HIP1: variants seen among roughly 807,000 people sequenced by gnomAD.
HIP1 encodes the protein huntingtin-interacting protein 1.
A neutral mutation model predicts 147.6 loss-of-function variants in HIP1; 65 were observed. The ratio of observed to expected loss-of-function variants is 0.44; its 90% confidence interval spans 0.36 to 0.54. HIP1 has a LOEUF of 0.54. Among genes scored for constraint, HIP1 ranks in the 20% least tolerant of loss-of-function variants. HIP1 has a pLI of 0.00. For missense variants in HIP1, 1,061 were observed against 1,299.6 expected, an observed-to-expected ratio of 0.82 and a Z score of 2.82; for synonymous variants, 479 against 504.0, an observed-to-expected ratio of 0.95 and a Z score of 0.67.
At chr7:75,637,584 G>A (rs955687862) in intron 1 of HIP1, among the ~76,000 whole-genome samples, 3 of 109,538 alleles carry the variant, frequency 2.7e-5, no homozygotes, top group Admixed American at 1.3e-4. Context: ...TCTAATACAT[G>A]CCCAAAGAAA....
chr7:75,582,915 T>C (rs1796112055), intron 5 of HIP1, among the ~76,000 whole-genome samples: 1 of 152,162 alleles, frequency 6.6e-6, no homozygotes, highest in Non-Finnish European at 1.5e-5. Flanking sequence ...AGTTTTCCTT[T>C]GCCCCAAGTC....
intron 1 of HIP1, among the ~76,000 whole-genome samples, chr7:75,706,473 C>CTTTTTTTTTTT (rs139655610): frequency 1.4e-5 from 2 of 138,080 alleles, no homozygotes; most frequent in African/African-American, 2.8e-5. Context: ...TATATATCTT[C>CTTTTTTTTTTT]TTTTTTTTTA....
intron 7 of HIP1, among the ~76,000 whole-genome samples, chr7:75,575,582 G>T (rs1285585716): frequency 6.6e-6 from 1 of 152,144 alleles, no homozygotes; most frequent in Non-Finnish European, 1.5e-5. Context: ...AAAAATAGAA[G>T]TCTTGCCTCC....
In HIP1 at chr7:75,734,873, G is replaced by A. The variant is rs1024869878; in HGVS notation, c.120+3928C>T. Among the ~76,000 whole-genome samples, 6 of 152,094 alleles carry A rather than the reference G, an allele frequency of 3.9e-5. No homozygotes were observed. In the South Asian group the frequency reaches 1.0e-3, roughly 26 times the overall value. ...TGCTACAAGATGTGCTTCAGTCCTC[G>A]GGGAGGGCTCCCAACCCCAAAGCCT... On this transcript the variant is annotated intron_variant, in intron 1 of 30. Transcript: ENST00000336926.
chr7:75,664,285 CAT>C (rs144031465), intron 1 of HIP1, among the ~76,000 whole-genome samples: 16,408 of 136,544 alleles, frequency 0.12, 1,150 homozygotes, highest in South Asian at 0.16. Flanking sequence ...TATATACACA[CAT>C]ATATGTATGT....
chr7:75,594,229 G>A (rs905397770), intron 2 of HIP1, among the ~76,000 whole-genome samples: 3 of 151,692 alleles, frequency 2.0e-5, no homozygotes, highest in Non-Finnish European at 2.9e-5. Flanking sequence ...GCAGTGAGCC[G>A]AGATCATGCC....
intron 1 of HIP1, among the ~76,000 whole-genome samples, chr7:75,617,821 C>T (rs1797720567): frequency 6.6e-6 from 1 of 152,214 alleles, no homozygotes; most frequent in African/African-American, 2.4e-5. Context: ...CCTAGCACCC[C>T]AAACTGCAAA....
chr7:75,616,470 A>G (rs1377253213), intron 1 of HIP1, among the ~76,000 whole-genome samples: 1 of 151,952 alleles, frequency 6.6e-6, no homozygotes, highest in Non-Finnish European at 1.5e-5. Flanking sequence ...ACCGGGTCTC[A>G]CTTTGTTGCC....
At chr7:75,573,028 C>T (rs1176773062) in intron 8 of HIP1, among the ~76,000 whole-genome samples, 1 of 152,208 alleles carries the variant, frequency 6.6e-6, no homozygotes, top group East Asian at 1.9e-4. Context: ...CAGACAGATT[C>T]CTGGGTGAAA....
Position 75,586,832 on chromosome 7 carries a change from C to A in HIP1, c.386G>T (p.Gly129Val). The change falls in exon 5 of 31, where the codon GGC (glycine) becomes GTC (valine). Residue 129 changes from glycine to valine, a missense_variant and splice_region_variant. Physicochemically the swap from Gly to Val is moderately radical, Grantham distance 109. This residue lies in a region of HIP1 where 225 missense variants were observed against 292.9 expected (regional missense o/e 0.77). Transcript: ENST00000336926. The stretch of plus-strand genomic sequence containing the variant: ...CTGGCCATACCCCTCGCTCAGGTGG[C>A]CCTTTTAGGAAGAGGAGGGGAAACA... Reference protein sequence around the residue: ...NELSDMSRMWGHLSEGYGQLC... With the variant: ...NELSDMSRMWVHLSEGYGQLC... 1 of 1,608,710 alleles carries A rather than the reference C, an allele frequency of 6.2e-7. No individual in the cohort carries two copies.
At chr7:75,557,933 C>T (rs891309935) in intron 15 of HIP1, among the ~76,000 whole-genome samples, 163 bp from the exon 16 acceptor site, 3 of 152,324 alleles carry the variant, frequency 2.0e-5, no homozygotes, top group Middle Eastern at 3.4e-3. Flanking sequence ...ATGCTTGATG[C>T]TCAAATATTT....
At chr7:75,558,080 C>T in intron 15 of HIP1, 87 bp downstream of exon 15, 3 of 1,060,700 alleles carry the variant, frequency 2.8e-6, no homozygotes, top group Non-Finnish European at 4.4e-6. Context: ...GTAGGGGTTG[C>T]TGGCCCCGGG....
At chr7:75,608,712 A>G (rs1413043252) in intron 1 of HIP1, among the ~76,000 whole-genome samples, 3 of 152,154 alleles carry the variant, frequency 2.0e-5, no homozygotes, top group Admixed American at 2.0e-4. Flanking sequence ...ATGAAAGAGA[A>G]CTCCTCATTA....
intron 2 of HIP1, among the ~76,000 whole-genome samples, chr7:75,595,218 TTC>T (rs1796655917): frequency 1.1e-5 from 1 of 89,626 alleles, no homozygotes; most frequent in Non-Finnish European, 2.1e-5. Flanking sequence ...CTTTCTTTCT[TTC>T]TTTCTTTCTT....
chr7:75,545,312 C>A (rs1794513321), intron 25 of HIP1, 124 bp from the exon 26 acceptor site: 1 of 673,074 alleles, frequency 1.5e-6, no homozygotes, highest in African/African-American at 1.8e-5. Flanking sequence ...CATTAGTATT[C>A]CCATTTTACA....
chr7:75,688,559 A>C (rs1333536424), intron 1 of HIP1, among the ~76,000 whole-genome samples: 1 of 151,910 alleles, frequency 6.6e-6, no homozygotes, highest in East Asian at 1.9e-4. Flanking sequence ...CAGGACACAA[A>C]GCCCCACCTG....
intron 5 of HIP1, among the ~76,000 whole-genome samples, chr7:75,582,742 G>A (rs1408880318): frequency 6.6e-6 from 1 of 152,174 alleles, no homozygotes; most frequent in Non-Finnish European, 1.5e-5. Context: ...GGGAGGCGGA[G>A]GTTGCAGTGA....
At chr7:75,620,757 T>C (rs1797820830) in intron 1 of HIP1, among the ~76,000 whole-genome samples, 1 of 152,054 alleles carries the variant, frequency 6.6e-6, no homozygotes, top group African/African-American at 2.4e-5. Context: ...TGACGATCTC[T>C]GTCCTCACGG....
rs114499618 is a variant in HIP1, at chr7:75,675,093, G to A, written c.120+63708C>T. 7.5e-3 allele frequency among the ~76,000 whole-genome samples: 1,135 copies of A among 152,078 alleles called. 12 individuals are homozygous for A. Among genetic ancestry groups the A allele is most frequent in the South Asian group, 0.035 (171 of 4,820 alleles). Reference sequence around the variant, plus strand: ...ATGTTGATATGCTTGATAGTGTCCCGCAGGTCATTAATCTTCATTCTTTTT... The same window carrying A: ...ATGTTGATATGCTTGATAGTGTCCCACAGGTCATTAATCTTCATTCTTTTT... On this transcript the variant is annotated intron_variant, in intron 1 of 30. Coordinates refer to ENST00000336926, the MANE Select transcript of HIP1 (RefSeq NM_005338.7).
Sources: gnomAD v4.1 joint callset for allele counts (sites outside exome capture counted in the v4.1 genomes callset) on GRCh38, gnomAD v4.1.1 for gene constraint, gnomAD v4.1.1 regional missense constraint, MANE v1.5 for transcripts, NCBI Gene and HGNC (gene_info 2026-07-23, HGNC 2026-07-21) for gene names.